RICTOR: variants seen among roughly 807,000 people sequenced by gnomAD.
RICTOR encodes the protein rapamycin-insensitive companion of mTOR.
Under a neutral mutation model 214.9 loss-of-function variants are expected in RICTOR, and 49 were observed. That is an observed-to-expected ratio of 0.23 (90% CI 0.18 to 0.29). The LOEUF is 0.29. Ranked by LOEUF, RICTOR falls within the 10% of genes least tolerant of loss-of-function variation. The pLI is 1.00. For missense variants in RICTOR, 1,625 were observed against 2,047.0 expected (o/e 0.79, Z 3.98); for synonymous variants, 717 against 711.3 (o/e 1.01, Z -0.13).
At chr5:39,041,272 C>A (rs1757147104) in intron 2 of RICTOR, among the ~76,000 whole-genome samples, 1 of 152,108 alleles carries the variant, frequency 6.6e-6, no homozygotes, top group African/African-American at 2.4e-5. Flanking sequence ...AGGTACTTTT[C>A]TCAATGAACT....
In RICTOR at chr5:39,071,042, C is replaced by T. The variant is rs1244674967; in HGVS notation, c.97+3069G>A. Among the ~76,000 whole-genome samples, 3 of 152,158 alleles carry T rather than the reference C, an allele frequency of 2.0e-5. No individual in the cohort carries two copies. The South Asian group carries it at 6.2e-4, about 31-fold the overall frequency. On this transcript the variant is annotated intron_variant, in intron 2 of 37. Coordinates refer to ENST00000357387, the MANE Select transcript of RICTOR (RefSeq NM_152756.5). ...CCATCAACAATTTTTAACTGAGGCA[C>T]TCTATGTATGAACCACAGCACTAAC...
intron 19 of RICTOR, 122 bp from the exon 20 acceptor site, chr5:38,960,655 A>G (rs188126078): frequency 1.3e-5 from 12 of 911,754 alleles, no homozygotes; most frequent in Admixed American, 2.6e-5. Context: ...CATTGGGATA[A>G]ATGGCAAGAA....
At chr5:38,968,737 T>TAAAAAA (rs1157586174) in intron 11 of RICTOR, among the ~76,000 whole-genome samples, 1 of 131,520 alleles carries the variant, frequency 7.6e-6, no homozygotes, top group Non-Finnish European at 1.6e-5. Context: ...CCCTGCCTCT[T>TAAAAAA]AAAAAAAAAA....
At chr5:39,018,375 T>C (rs991557645) in intron 3 of RICTOR, among the ~76,000 whole-genome samples, 1 of 152,174 alleles carries the variant, frequency 6.6e-6, no homozygotes, top group South Asian at 2.1e-4. Flanking sequence ...TAGTTACATA[T>C]GAATACTTAC....
intron 8 of RICTOR, among the ~76,000 whole-genome samples, chr5:38,980,190 T>C (rs1009531790): frequency 1.3e-5 from 2 of 152,210 alleles, no homozygotes; most frequent in African/African-American, 2.4e-5. Flanking sequence ...GTTGTTTTAA[T>C]GTCTTTTTCC....
At chr5:39,034,282 G>A (rs1756491995) in intron 2 of RICTOR, among the ~76,000 whole-genome samples, 1 of 152,354 alleles carries the variant, frequency 6.6e-6, no homozygotes, top group South Asian at 2.1e-4. Context: ...GCTAGATGTA[G>A]TTAATAATCC....
chr5:39,009,100 T>C lies in RICTOR; in HGVS notation c.196-5478A>G, dbSNP rs542353896. On this transcript the variant is annotated intron_variant, in intron 3 of 37. Transcript: ENST00000357387. ...ACAGTAATAATGAATGTTAATAAAA[T>C]GAAAGGTTGTAAAATTCTACAAATA... Among the ~76,000 whole-genome samples, 7 of 152,240 alleles carry C rather than the reference T, an allele frequency of 4.6e-5. No individual in the cohort carries two copies. The East Asian group carries it at 1.3e-3, about 29-fold the overall frequency.
At chr5:39,073,070 T>A (rs1476392309) in intron 2 of RICTOR, among the ~76,000 whole-genome samples, 2 of 152,222 alleles carry the variant, frequency 1.3e-5, no homozygotes, top group African/African-American at 2.4e-5. Context: ...TAGATAACAG[T>A]CATTACGTCA....
chr5:38,952,170 T>G (rs747962301), intron 30 of RICTOR, 26 bp downstream of exon 30: 1 of 1,317,482 alleles, frequency 7.6e-7, no homozygotes, highest in Non-Finnish European at 1.1e-6. Context: ...TTGGCTAACT[T>G]TATATGAACC....
chr5:38,963,966 TA>T (rs1750003581), intron 16 of RICTOR, among the ~76,000 whole-genome samples: 1 of 151,874 alleles, frequency 6.6e-6, no homozygotes, highest in Non-Finnish European at 1.5e-5. Flanking sequence ...GAATGAAAAT[TA>T]ACAGATTATT....
At chr5:38,971,785 G>A in intron 11 of RICTOR, 92 bp downstream of exon 11, 1 of 659,352 alleles carries the variant, frequency 1.5e-6, no homozygotes, top group Non-Finnish European at 2.7e-6. Context: ...AACTAATGAG[G>A]AAAACACATC....
Position 38,959,923 on chromosome 5 carries a change from G to C in RICTOR, c.1907C>G (p.Ala636Gly). ...TCTTTCGGGTTTCATTCCAGATGAAGCATTGAGCCACTGAACAATATCCTT... is the reference window on the plus strand; with the variant it reads ...TCTTTCGGGTTTCATTCCAGATGAACCATTGAGCCACTGAACAATATCCTT... ...LVKDIVQWLNASSGMKPERSL... is the reference protein window; with the variant it reads ...LVKDIVQWLNGSSGMKPERSL... The change falls in exon 21 of 38, where the codon GCT becomes GGT. Residue 636 changes from alanine to glycine, a missense_variant. Coordinates refer to ENST00000357387, the MANE Select transcript of RICTOR (RefSeq NM_152756.5). The C allele has an allele frequency of 6.2e-7, 1 of 1,613,080 alleles. No homozygotes were observed.
chr5:39,048,283 C>T (rs1323457146), intron 2 of RICTOR, among the ~76,000 whole-genome samples: 1 of 152,188 alleles, frequency 6.6e-6, no homozygotes, highest in Non-Finnish European at 1.5e-5. Flanking sequence ...GGCCTAACTG[C>T]TTATCTTTAA....
At chr5:39,030,052 T>C (rs1756153305) in intron 2 of RICTOR, among the ~76,000 whole-genome samples, 1 of 152,144 alleles carries the variant, frequency 6.6e-6, no homozygotes, top group East Asian at 1.9e-4. Flanking sequence ...CAGAGCTATG[T>C]TAATGATCAC....
chr5:38,997,129 A>G (rs1412882408), intron 5 of RICTOR, among the ~76,000 whole-genome samples: 2 of 152,188 alleles, frequency 1.3e-5, no homozygotes, highest in Non-Finnish European at 2.9e-5. Context: ...AGTAATTTAC[A>G]AGACTACATC....
chr5:39,064,379 C>T (rs564951612), intron 2 of RICTOR, among the ~76,000 whole-genome samples: 9 of 152,234 alleles, frequency 5.9e-5, no homozygotes, highest in South Asian at 2.1e-4. Context: ...AAAATCTGTG[C>T]TAATAATTCA....
At position 38,952,239 on chromosome 5, in the gene RICTOR, T is replaced by G; in HGVS notation, c.3084A>C (p.Ser1028=). ...TTTCACTATTATGTCTAGAGCTGGT[T>G]GACTCCGAGTTCAAACTTAGAGTGC... is the stretch of plus-strand genomic sequence containing the variant. ...IPSTLSLNSE[S]TSSRHNSESE... is the part of the protein sequence containing the mutation. Residue 1028 remains serine (S), a synonymous_variant, in exon 30 of 38, where the codon TCA becomes TCC. Transcript: ENST00000357387. 1 of 1,612,646 alleles carries G rather than the reference T, an allele frequency of 6.2e-7. No individual in the cohort carries two copies.
rs181263471 is a variant in RICTOR at position 38,986,262 on chromosome 5, C to T, written c.584-4226G>A. ...CTGCTGCTACGTAAGACATGCCTCA[C>T]TTCCATTGCCTTCTGCCACAATTGT... On this transcript the variant is annotated intron_variant, in intron 7 of 37. Transcript: ENST00000357387. Among the ~76,000 whole-genome samples, 233 of 152,306 alleles carry T rather than the reference C, an allele frequency of 1.5e-3. 1 individual carries two copies. The highest frequency in any genetic ancestry group is 2.1e-3 in the Non-Finnish European group (146 of 68,040).
Position 38,944,499 on chromosome 5 carries a change from G to A in RICTOR, c.4860C>T (p.Val1620=). ...ILLRKEVLRL[V]INLSSSVSTK... is the part of the protein sequence containing the mutation. ...TTGAAACTGAACTACTCAAATTAATGACTAATCTTAGAACTTCTTTGCGAA... is the reference window on the plus strand; with the variant it reads ...TTGAAACTGAACTACTCAAATTAATAACTAATCTTAGAACTTCTTTGCGAA... The change falls in exon 36 of 38, where the codon GTC becomes GTT. Residue 1620 remains valine, a synonymous_variant. Transcript: ENST00000357387. 1.2e-6 allele frequency: 2 copies of A among 1,612,236 alleles called. No individual in the cohort carries two copies. Among genetic ancestry groups the A allele is most frequent in the East Asian group, 2.2e-5 (1 of 44,770 alleles).
Sources: gnomAD v4.1 joint callset for allele counts (sites outside exome capture counted in the v4.1 genomes callset) on GRCh38, gnomAD v4.1.1 for gene constraint, MANE v1.5 for transcripts, NCBI Gene and HGNC (gene_info 2026-07-23, HGNC 2026-07-21) for gene names.